CAPS2: variants seen among roughly 807,000 people sequenced by gnomAD.
The protein encoded by CAPS2 is calcyphosine 2, also known as calcyphosin-2.
Under a neutral mutation model 86.5 loss-of-function variants are expected in CAPS2, and 98 were observed. The ratio of observed to expected loss-of-function variants is 1.13; its 90% CI spans 0.96 to 1.34. CAPS2 has a LOEUF of 1.34. Among genes scored for constraint, CAPS2 ranks in the 40% most tolerant of loss-of-function variants. The probability of loss-of-function intolerance (pLI) is 0.00; values close to 1 mark genes in which losing one functional copy is unlikely to be tolerated. For synonymous variants in CAPS2, 210 were observed against 225.1 expected (o/e 0.93, Z 0.60); for missense variants, 729 against 686.8 (o/e 1.06, Z -0.69).
intron 1 of CAPS2, among the ~76,000 whole-genome samples, chr12:75,359,434 C>T (rs1449306336): frequency 7.2e-6 from 1 of 138,066 alleles, no homozygotes; most frequent in South Asian, 2.3e-4. Flanking sequence ...AAAATTCCAC[C>T]AGGATTTTAT....
At chr12:75,369,211 A>G (rs1468587683) in intron 1 of CAPS2, among the ~76,000 whole-genome samples, 8 of 151,928 alleles carry the variant, frequency 5.3e-5, no homozygotes, top group Admixed American at 5.2e-4. Context: ...ATTTTTCAAT[A>G]CATTTTAGCT....
At chr12:75,355,739 A>G (rs775097096) in intron 1 of CAPS2, among the ~76,000 whole-genome samples, 10 of 152,236 alleles carry the variant, frequency 6.6e-5, no homozygotes, top group Admixed American at 1.3e-4. Flanking sequence ...AATGCCCATC[A>G]ATGACAGACT....
chr12:75,370,612 T>A (rs1212394693), intron 1 of CAPS2: 1 of 152,542 alleles, frequency 6.6e-6, no homozygotes, highest in Non-Finnish European at 1.5e-5. Flanking sequence ...ATTATGGCCA[T>A]AATCAATGGT....
exon 8 of CAPS2, chr12:75,304,856 T>C: frequency 6.2e-7 from 1 of 1,612,036 alleles, no homozygotes; most frequent in Non-Finnish European, 8.5e-7. Context: ...TAAATTTTGC[T>C]CTGGATCACT....
At chr12:75,310,117 A>G (rs1056211049) in intron 7 of CAPS2, among the ~76,000 whole-genome samples, 10 of 152,166 alleles carry the variant, frequency 6.6e-5, no homozygotes, top group African/African-American at 2.4e-4. Flanking sequence ...AGTGAGCAAA[A>G]CTTCCAAAGT....
intron 7 of CAPS2, 50 bp downstream of exon 7, chr12:75,312,798 T>G (rs779575157): frequency 9.2e-7 from 1 of 1,088,494 alleles, no homozygotes; most frequent in East Asian, 2.4e-5. Flanking sequence ...GAAAATAAAT[T>G]TAATGAAAAC....
chr12:75,352,473 C>A (rs909011150), intron 1 of CAPS2, among the ~76,000 whole-genome samples: 1 of 152,172 alleles, frequency 6.6e-6, no homozygotes, highest in Non-Finnish European at 1.5e-5. Context: ...TATATATGCA[C>A]CCAATACAGG....
chr12:75,387,555 T>A (rs2045355280), intron 1 of CAPS2, among the ~76,000 whole-genome samples: 1 of 152,072 alleles, frequency 6.6e-6, no homozygotes, highest in African/African-American at 2.4e-5. Flanking sequence ...ATGTTGCTCA[T>A]AAGAAAATAC....
At chr12:75,379,853 TAAAAA>T (rs35309353) in intron 1 of CAPS2, among the ~76,000 whole-genome samples, 2 of 111,922 alleles carry the variant, frequency 1.8e-5, no homozygotes, top group East Asian at 2.5e-4. Context: ...TCCCTATCAG[TAAAAA>T]AAAAAAAAAA....
At chr12:75,334,735 C>T (rs1039267045), upstream of CAPS2, 5 of 1,613,430 alleles carry the variant, frequency 3.1e-6, no homozygotes, top group Non-Finnish European at 4.2e-6. Context: ...TTCCATGGCT[C>T]TGAAGAATAA....
At chr12:75,347,915 T>C (rs1247348260) in intron 1 of CAPS2, among the ~76,000 whole-genome samples, 1 of 152,194 alleles carries the variant, frequency 6.6e-6, no homozygotes, top group Non-Finnish European at 1.5e-5. Context: ...AAATTATACC[T>C]ATTATAAGAT....
At chr12:75,305,815 G>A in intron 7 of CAPS2, 1 of 739,062 alleles carries the variant, frequency 1.4e-6, no homozygotes, top group South Asian at 1.3e-5. Context: ...AGTGATGGAG[G>A]GGCATATTCA....
intron 8 of CAPS2, among the ~76,000 whole-genome samples, chr12:75,303,307 CAAAT>C (rs1216603522): frequency 6.6e-6 from 1 of 152,064 alleles, no homozygotes; most frequent in African/African-American, 2.4e-5. Flanking sequence ...ATTAAATTAA[CAAAT>C]AAGTGCCATT....
intron 5 of CAPS2, among the ~76,000 whole-genome samples, chr12:75,318,764 T>A (rs182676792): frequency 6.6e-6 from 1 of 151,548 alleles, no homozygotes; most frequent in Non-Finnish European, 1.5e-5. Context: ...TTCCATTGAT[T>A]GATTTTTTTT....
intron 7 of CAPS2, among the ~76,000 whole-genome samples, chr12:75,311,699 G>GAAAAAAAA (rs764314438): frequency 4.7e-4 from 8 of 17,016 alleles, no homozygotes; most frequent in African/African-American, 8.7e-4. Flanking sequence ...AAGCCATGCA[G>GAAAAAAAA]GAAAAAAAAA....
At chr12:75,388,832 TG>T (rs1311139733) in intron 1 of CAPS2, among the ~76,000 whole-genome samples, 1 of 152,170 alleles carries the variant, frequency 6.6e-6, no homozygotes, top group Non-Finnish European at 1.5e-5. Context: ...CAGTTGTAAA[TG>T]TACTACTCTG....
chr12:75,369,516 A>G, intron 1 of CAPS2: 2 of 979,626 alleles, frequency 2.0e-6, no homozygotes, highest in Non-Finnish European at 2.4e-6. Context: ...TTAGAATGGT[A>G]AACTGGGGAG....
intron 1 of CAPS2, chr12:75,363,130 G>GT (rs1169776155): frequency 6.4e-7 from 1 of 1,558,492 alleles, no homozygotes; most frequent in Non-Finnish European, 8.6e-7. Context: ...GCCTCCTTAC[G>GT]TAAGAGGAGA....
intron 1 of CAPS2, among the ~76,000 whole-genome samples, chr12:75,348,738 CA>C (rs1271676520): frequency 6.6e-6 from 1 of 152,144 alleles, no homozygotes; most frequent in Non-Finnish European, 1.5e-5. Flanking sequence ...AGTGTTATGT[CA>C]CCCCTGGCCA....
Sources: allele counts gnomAD v4.1 joint callset (sites outside exome capture counted in the v4.1 genomes callset), GRCh38; gene constraint gnomAD v4.1.1; transcripts MANE v1.5; gene names NCBI Gene and HGNC (gene_info 2026-07-23, HGNC 2026-07-21).